Variants in MED27 observed in about 807,000 individuals in gnomAD.
MED27 encodes mediator of RNA polymerase II transcription subunit 27.
In MED27, 30 loss-of-function variants were observed where a neutral mutation model predicts 38.2. The observed-to-expected ratio is 0.79, with a 90% CI of 0.59 to 1.07. The LOEUF (loss-of-function observed/expected upper bound fraction) is 1.07. Among genes scored for constraint, MED27 ranks in the 50% least tolerant of loss-of-function variants. The pLI, the probability that MED27 is intolerant of heterozygous loss-of-function variation, is 0.00. For synonymous variants in MED27, 122 were observed against 153.5 expected, an observed-to-expected ratio of 0.79 and a Z score of 1.52; for missense variants, 289 against 397.5, an observed-to-expected ratio of 0.73 and a Z score of 2.32.
At chr9:131,936,641 TA>T (rs147158769) in intron 4 of MED27, among the ~76,000 whole-genome samples, 1 of 152,220 alleles carries the variant, frequency 6.6e-6, no homozygotes, top group South Asian at 2.1e-4. Flanking sequence ...TGGGGCCCCC[TA>T]AAAAACGTTG....
In MED27 at chr9:131,985,425, C is replaced by T. The variant is rs961640651; in HGVS notation, c.479+28912G>A. ...CATGTTTTATAACACAGTCAAGTGTCGCATAACAGTGTTTTGGTGAGACCG... is the reference window on the plus strand; with the variant it reads ...CATGTTTTATAACACAGTCAAGTGTTGCATAACAGTGTTTTGGTGAGACCG... On this transcript the variant is annotated intron_variant, in intron 3 of 7. Transcript: ENST00000292035. Among the ~76,000 whole-genome samples, 6 of 152,274 alleles carry T rather than the reference C, an allele frequency of 3.9e-5. No homozygotes were observed. In the South Asian group the frequency reaches 6.2e-4, roughly 16 times the overall value.
At chr9:132,041,043 C>T (rs2131119659) in intron 2 of MED27, among the ~76,000 whole-genome samples, 1 of 152,234 alleles carries the variant, frequency 6.6e-6, no homozygotes. Context: ...TGTCATCAGA[C>T]CACACCACGG....
intron 4 of MED27, among the ~76,000 whole-genome samples, chr9:131,921,566 C>T (rs1830392564): frequency 6.6e-6 from 1 of 152,226 alleles, no homozygotes; most frequent in African/African-American, 2.4e-5. Context: ...AACACTTTTA[C>T]ACTGTTGGTG....
intron 4 of MED27, among the ~76,000 whole-genome samples, chr9:131,932,405 C>T (rs1408081322): frequency 7.0e-6 from 1 of 143,056 alleles, no homozygotes; most frequent in African/African-American, 2.6e-5. Context: ...AGAGAAGATA[C>T]AAATAAAATA....
At chr9:132,066,650 C>T (rs998339255) in intron 2 of MED27, among the ~76,000 whole-genome samples, 1 of 152,144 alleles carries the variant, frequency 6.6e-6, no homozygotes, top group African/African-American at 2.4e-5. Flanking sequence ...TGAGCTGGTG[C>T]CTCCCAAAAC....
chr9:131,882,415 G>A (rs188668172), intron 6 of MED27, among the ~76,000 whole-genome samples: 4 of 152,338 alleles, frequency 2.6e-5, no homozygotes, highest in Admixed American at 6.5e-5. Context: ...GGCACATCAA[G>A]CCAAGGAGCA....
chr9:131,868,287 C>G (rs1477837803), intron 6 of MED27, among the ~76,000 whole-genome samples: 1 of 152,102 alleles, frequency 6.6e-6, no homozygotes, highest in Non-Finnish European at 1.5e-5. Flanking sequence ...TCTTTTTCTT[C>G]TTTTCTTTTG....
intron 2 of MED27, among the ~76,000 whole-genome samples, chr9:132,050,498 C>T (rs78368227): frequency 0.028 from 4,303 of 152,262 alleles, 196 homozygotes; most frequent in African/African-American, 0.093. Flanking sequence ...AAGACAGTCG[C>T]TCTGTAAAAG....
At chr9:131,899,697 G>T (rs1829901229) in intron 4 of MED27, among the ~76,000 whole-genome samples, 1 of 152,212 alleles carries the variant, frequency 6.6e-6, no homozygotes, top group South Asian at 2.1e-4. Flanking sequence ...GAGCCCTCCT[G>T]GCTCTGCCAT....
intron 4 of MED27, among the ~76,000 whole-genome samples, chr9:131,931,866 A>G (rs1028909423): frequency 3.3e-5 from 5 of 152,344 alleles, no homozygotes; most frequent in Admixed American, 3.3e-4. Flanking sequence ...AGGAAATATC[A>G]TTAGAGCTAA....
intron 3 of MED27, among the ~76,000 whole-genome samples, chr9:131,965,437 G>A (rs1831316692): frequency 6.6e-6 from 1 of 152,198 alleles, no homozygotes; most frequent in Non-Finnish European, 1.5e-5. Flanking sequence ...TGATTTGGGG[G>A]TACTCAGCAC....
intron 3 of MED27, among the ~76,000 whole-genome samples, chr9:131,951,832 C>A (rs528652571): frequency 6.6e-6 from 1 of 152,196 alleles, no homozygotes; most frequent in East Asian, 1.9e-4. Flanking sequence ...CATGAAAACA[C>A]CTCGAAGCAT....
chr9:132,035,035 G>A (rs778798994), intron 2 of MED27, among the ~76,000 whole-genome samples: 5 of 152,152 alleles, frequency 3.3e-5, no homozygotes, highest in Non-Finnish European at 7.3e-5. Context: ...CCCAGGCTAC[G>A]TAACTTTTGA....
intron 3 of MED27, among the ~76,000 whole-genome samples, chr9:131,958,412 AT>A (rs1554760557): frequency 6.6e-6 from 1 of 151,826 alleles, no homozygotes; most frequent in Non-Finnish European, 1.5e-5. Context: ...TGCCTGGCTA[AT>A]TTTTTTGTAT....
At chr9:131,998,058 A>G (rs996489540) in intron 3 of MED27, among the ~76,000 whole-genome samples, 1 of 152,140 alleles carries the variant, frequency 6.6e-6, no homozygotes, top group Non-Finnish European at 1.5e-5. Flanking sequence ...AGGGCCACAG[A>G]GCACCAAAGC....
chr9:132,028,339 G>T (rs1218830774), intron 2 of MED27, among the ~76,000 whole-genome samples: 1 of 152,066 alleles, frequency 6.6e-6, no homozygotes, highest in Non-Finnish European at 1.5e-5. Context: ...CATACAGAGG[G>T]TTTGTTTCTT....
At chr9:131,951,151 C>T (rs1830988454) in intron 3 of MED27, among the ~76,000 whole-genome samples, 2 of 152,204 alleles carry the variant, frequency 1.3e-5, no homozygotes, top group African/African-American at 2.4e-5. Context: ...GGACTCATCC[C>T]CCAACCTCTT....
Position 132,073,747 on chromosome 9 carries a change from A to G in MED27, c.348+3695T>C, listed in dbSNP as rs551461028. 4.0e-5 allele frequency: 61 copies of G among 1,513,424 alleles called. No homozygotes were observed. The East Asian group carries it at 1.3e-3, about 31-fold the overall frequency. The allele number at this position is 1,513,424 out of a possible 1,614,324, so 93.7% of individuals were successfully genotyped here. On this transcript the variant is annotated intron_variant, in intron 2 of 7. Coordinates refer to ENST00000292035, the MANE Select transcript of MED27 (RefSeq NM_004269.4). ...TGGAATAGAAAGTTGCTCTTTCTGT[A>G]ATAAAAAAAAAATCAAACGTGAAAA...
At chr9:131,965,646 A>C (rs1831322049) in intron 3 of MED27, among the ~76,000 whole-genome samples, 1 of 152,158 alleles carries the variant, frequency 6.6e-6, no homozygotes, top group Non-Finnish European at 1.5e-5. Context: ...GTGACACCAC[A>C]GCAGAGCTGA....
Sources: gnomAD v4.1 joint callset for allele counts (sites outside exome capture counted in the v4.1 genomes callset) on GRCh38, gnomAD v4.1.1 for gene constraint, MANE v1.5 for transcripts, NCBI Gene and HGNC (gene_info 2026-07-23, HGNC 2026-07-21) for gene names.